The following VPS50 variants were observed in gnomAD, a reference collection of about 807,000 sequenced individuals.
VPS50 encodes the protein syndetin.
VPS50 carries 70 observed loss-of-function variants against 139.7 expected under a neutral mutation model. The ratio of observed to expected loss-of-function variants is 0.50; its 90% CI spans 0.41 to 0.61. The LOEUF is 0.61. Ranked by LOEUF, VPS50 falls within the 20% of genes least tolerant of loss-of-function variation. The pLI, the probability that VPS50 is intolerant of heterozygous loss-of-function variation, is 0.00. For synonymous variants in VPS50, 365 were observed against 376.7 expected (o/e 0.97, Z 0.36); for missense variants, 921 against 1,133.7 (o/e 0.81, Z 2.69).
chr7:93,288,586 CA>C (rs1159305805), intron 12 of VPS50, among the ~76,000 whole-genome samples: 7 of 152,116 alleles, frequency 4.6e-5, no homozygotes, highest in Non-Finnish European at 1.0e-4. Context: ...TACTATTTTG[CA>C]TCAGCAATGT....
chr7:93,337,452 C>A (rs1034985356), intron 22 of VPS50, among the ~76,000 whole-genome samples: 4 of 152,160 alleles, frequency 2.6e-5, no homozygotes, highest in African/African-American at 9.7e-5. Flanking sequence ...TCTAGAGCCA[C>A]CTCCCTGTTC....
intron 25 of VPS50, among the ~76,000 whole-genome samples, chr7:93,350,924 C>T (rs1446718005): frequency 6.6e-6 from 1 of 152,166 alleles, no homozygotes; most frequent in Non-Finnish European, 1.5e-5. Flanking sequence ...TTCTTAACCT[C>T]CTTACTTTAA....
At chr7:93,286,188 T>C (rs1010052398) in intron 12 of VPS50, among the ~76,000 whole-genome samples, 2 of 152,154 alleles carry the variant, frequency 1.3e-5, no homozygotes, top group Admixed American at 6.5e-5. Flanking sequence ...CGATTTCTTA[T>C]CTATTCTTAA....
intron 2 of VPS50, among the ~76,000 whole-genome samples, chr7:93,240,928 G>A (rs1284492078): frequency 1.3e-5 from 2 of 152,064 alleles, no homozygotes; most frequent in African/African-American, 4.8e-5. Context: ...CCTTTTGCAT[G>A]AAATGGTTCA....
rs192715150 is a variant in VPS50, at chr7:93,272,592, A to G, written c.703-43A>G. On this transcript the variant is annotated intron_variant, in intron 10 of 27. Coordinates refer to ENST00000305866, the MANE Select transcript of VPS50 (RefSeq NM_017667.4). ...GTTTTCTTCTCATTGCCTTGAAAAC[A>G]TAATTCCTTAACCATGTCTTGCTTC... 1.3e-5 allele frequency: 11 copies of G among 832,788 alleles called. No homozygotes were observed. In the East Asian group the frequency reaches 2.8e-4, roughly 21 times the overall value. 51.6% of individuals were successfully genotyped at this position (832,788 alleles called of 1,614,324 possible).
chr7:93,320,835 C>T (rs1254505886), intron 20 of VPS50: 1 of 152,444 alleles, frequency 6.6e-6, no homozygotes, highest in Non-Finnish European at 1.5e-5. Flanking sequence ...GTTTTTCAGC[C>T]CCGTTTCTGA....
intron 12 of VPS50, among the ~76,000 whole-genome samples, chr7:93,286,368 A>G (rs1458717225): frequency 6.6e-6 from 1 of 152,166 alleles, no homozygotes; most frequent in Non-Finnish European, 1.5e-5. Flanking sequence ...ATTATGCCAA[A>G]TGAGTCTCCC....
At position 93,323,622 on chromosome 7, in the gene VPS50, C is replaced by A; in HGVS notation, c.1867C>A (p.Gln623Lys). 1 of 1,277,162 alleles carries A rather than the reference C, an allele frequency of 7.8e-7. No individual in the cohort carries two copies. Among genetic ancestry groups the A allele is most frequent in the Non-Finnish European group, 1.0e-6 (1 of 957,808 alleles). 79.1% of individuals were successfully genotyped at this position (1,277,162 alleles called of 1,614,324 possible). ...NVIRLVGKYMQMMNILKPIAF... is the reference protein window; with the variant it reads ...NVIRLVGKYMKMMNILKPIAF... ...TTTTTTCTTTTCAGGAAAATATATG[C>A]AGATGATGAACATTCTTAAGCCAAT... Residue 623 changes from glutamine to lysine, a missense_variant, in exon 21 of 28, where the codon CAG becomes AAG. By Grantham distance (53) the Gln-to-Lys change is moderately conservative. This residue lies in a region of VPS50 where 744 missense variants were observed against 930.6 expected (regional missense o/e 0.80). Coordinates refer to ENST00000305866, the MANE Select transcript of VPS50 (RefSeq NM_017667.4).
At chr7:93,284,267 T>A (rs1168690526) in intron 12 of VPS50, among the ~76,000 whole-genome samples, 5 of 152,282 alleles carry the variant, frequency 3.3e-5, no homozygotes, top group Admixed American at 3.3e-4. Flanking sequence ...TTGATAGTGT[T>A]TTTATATTTA....
At chr7:93,355,014 A>G (rs1238836232) in intron 26 of VPS50, among the ~76,000 whole-genome samples, 1 of 152,138 alleles carries the variant, frequency 6.6e-6, no homozygotes, top group Admixed American at 6.5e-5. Flanking sequence ...TATAAATTAT[A>G]AAAAGGCTGT....
intron 12 of VPS50, among the ~76,000 whole-genome samples, chr7:93,290,480 A>C (rs976084538): frequency 4.7e-5 from 7 of 150,036 alleles, no homozygotes; most frequent in African/African-American, 1.5e-4. Flanking sequence ...TTAAGGAAAT[A>C]CCTATTCATT....
At chr7:93,296,582 A>G (rs1796817269) in intron 14 of VPS50, among the ~76,000 whole-genome samples, 160 bp from the exon 15 acceptor site, 1 of 152,190 alleles carries the variant, frequency 6.6e-6, no homozygotes, top group South Asian at 2.1e-4. Context: ...TCTCTATTAC[A>G]TCCCTTAAGG....
Position 93,258,231 on chromosome 7 carries a change from G to T in VPS50, c.495G>T (p.Gln165His). The change falls in exon 7 of 28, where the codon CAG becomes CAT. Residue 165 changes from glutamine (Q) to histidine (H), a missense_variant. Transcript: ENST00000305866. ...TTCTTGCAAATCAAAGGAAACGTCAGTTGCTGATTGGACTTCTGAAATCTC... is the reference window on the plus strand; with the variant it reads ...TTCTTGCAAATCAAAGGAAACGTCATTTGCTGATTGGACTTCTGAAATCTC... ...LGLLANQRKR[Q>H]LLIGLLKSLR... The T allele has an allele frequency of 6.2e-7, 1 of 1,601,596 alleles. No homozygotes were observed. The highest frequency in any genetic ancestry group is 1.1e-5 in the South Asian group (1 of 90,760).
intron 18 of VPS50, 147 bp downstream of exon 18, chr7:93,306,151 AGAT>A (rs1275961712): frequency 7.8e-5 from 47 of 604,488 alleles, no homozygotes; most frequent in Non-Finnish European, 1.4e-4. Context: ...TTACATTTAT[AGAT>A]GATGACTTTA....
In VPS50 at chr7:93,297,179, A is replaced by G. The variant is rs1416336410; in HGVS notation, c.1297A>G (p.Lys433Glu). Residue 433 changes from lysine to glutamate, a missense_variant, in exon 16 of 28, where the codon AAG (lysine) becomes GAG (glutamate). Physicochemically the swap from Lys to Glu is moderately conservative, Grantham distance 56 (BLOSUM62 1). Coordinates refer to ENST00000305866, the MANE Select transcript of VPS50 (RefSeq NM_017667.4). ...MQVGEEFCGSKSEVLQESIRK... is the reference protein window; with the variant it reads ...MQVGEEFCGSESEVLQESIRK... ...AGTTGGAGAAGAATTTTGTGGTAGC[A>G]AGTCTGAAGTTTTACAGGAATCTAT... is the stretch of plus-strand genomic sequence containing the variant. 3.2e-6 allele frequency: 5 copies of G among 1,565,278 alleles called. No homozygotes were observed. Among genetic ancestry groups the G allele is most frequent in the African/African-American group, 1.4e-5 (1 of 71,136 alleles).
At chr7:93,272,510 C>G in intron 10 of VPS50, 125 bp from the exon 11 acceptor site, 1 of 432,306 alleles carries the variant, frequency 2.3e-6, no homozygotes, top group South Asian at 5.4e-5. Context: ...ACTTCTAAAT[C>G]TGGTATGATA....
intron 16 of VPS50, among the ~76,000 whole-genome samples, chr7:93,301,714 T>C (rs925616930): frequency 1.2e-4 from 19 of 152,160 alleles, no homozygotes; most frequent in African/African-American, 4.6e-4. Flanking sequence ...AGAGAATAAA[T>C]TTTTGCTTGT....
chr7:93,337,418 C>A (rs1371973006), intron 22 of VPS50, among the ~76,000 whole-genome samples: 1 of 152,144 alleles, frequency 6.6e-6, no homozygotes, highest in Non-Finnish European at 1.5e-5. Flanking sequence ...TATAGATATA[C>A]CCTCTCCTTG....
rs373215519 is a variant in VPS50 at position 93,350,219 on chromosome 7, C to T, written c.2463+186C>T. 7.2e-5 allele frequency among the ~76,000 whole-genome samples: 11 copies of T among 152,212 alleles called. No homozygotes were observed. In the East Asian group the frequency reaches 1.7e-3, roughly 24 times the overall value. ...TCTTCTATTAGCTCTAAGAATACGT[C>T]GTAGATTTTTTAGCTTTGTTCACTA... On this transcript the variant is annotated intron_variant, in intron 25 of 27. Coordinates refer to ENST00000305866, the MANE Select transcript of VPS50 (RefSeq NM_017667.4).
Sources: allele counts gnomAD v4.1 joint callset (sites outside exome capture counted in the v4.1 genomes callset), GRCh38; gene constraint gnomAD v4.1.1; regional missense constraint gnomAD v4.1.1; transcripts MANE v1.5; gene names NCBI Gene and HGNC (gene_info 2026-07-23, HGNC 2026-07-21).